The following C7orf78 variants were observed in gnomAD, a reference collection of about 807,000 sequenced individuals.
The protein encoded by C7orf78 is putative uncharacterized protein C7orf78.
chr7:12,511,904 A>G, the C7orf78 span, among the ~76,000 whole-genome samples: 3 of 111,446 alleles, frequency 2.7e-5, no homozygotes, highest in Non-Finnish European at 5.3e-5. Context: ...GGCGCCCACC[A>G]CCACACCTGG....
chr7:12,517,974 C>T, the C7orf78 span, among the ~76,000 whole-genome samples: 1 of 152,058 alleles, frequency 6.6e-6, no homozygotes, highest in African/African-American at 2.4e-5. Context: ...TTCTGTGTCC[C>T]TACATATCTA....
At chr7:12,487,880 C>T in the C7orf78 span, among the ~76,000 whole-genome samples, 1 of 151,978 alleles carries the variant, frequency 6.6e-6, no homozygotes, top group Non-Finnish European at 1.5e-5. Context: ...CAATAAGAAC[C>T]AAACAAGCAG....
At chr7:12,518,428 T>G in the C7orf78 span, among the ~76,000 whole-genome samples, 30 of 152,034 alleles carry the variant, frequency 2.0e-4, no homozygotes, top group Admixed American at 1.9e-3. Context: ...GCAGACAGCA[T>G]GGTGTGGGCC....
the C7orf78 span, among the ~76,000 whole-genome samples, chr7:12,534,080 A>T: frequency 2.0e-5 from 3 of 152,220 alleles, no homozygotes; most frequent in Non-Finnish European, 2.9e-5. Context: ...TTCAAATAAA[A>T]TGGCTTTATT....
At chr7:12,495,203 C>T in the C7orf78 span, among the ~76,000 whole-genome samples, 1 of 152,046 alleles carries the variant, frequency 6.6e-6, no homozygotes, top group Non-Finnish European at 1.5e-5. Flanking sequence ...CATTTTTTTT[C>T]CTCATCTTAC....
chr7:12,541,262 AAAC>A, the C7orf78 span: 1 of 152,234 alleles, frequency 6.6e-6, no homozygotes, highest in Non-Finnish European at 1.5e-5. Flanking sequence ...AATGTGAGAC[AAAC>A]AACAATAATG....
the C7orf78 span, among the ~76,000 whole-genome samples, chr7:12,502,957 A>G: frequency 2.2e-4 from 34 of 151,496 alleles, no homozygotes; most frequent in African/African-American, 7.5e-4. Context: ...ATTGGAAGTC[A>G]TCATTCTCAC....
chr7:12,503,812 TA>T, the C7orf78 span, among the ~76,000 whole-genome samples: 1 of 152,096 alleles, frequency 6.6e-6, no homozygotes, highest in Non-Finnish European at 1.5e-5. Context: ...ATTTTCCACA[TA>T]AATTATGTAG....
At chr7:12,525,849 A>G in the C7orf78 span, 26 of 397,122 alleles carry the variant, frequency 6.5e-5, no homozygotes, top group African/African-American at 4.7e-4. Context: ...ACTTTGAGAC[A>G]ACTTATGAAA....
the C7orf78 span, among the ~76,000 whole-genome samples, chr7:12,511,284 T>C: frequency 6.6e-6 from 1 of 152,226 alleles, no homozygotes; most frequent in Admixed American, 6.5e-5. Flanking sequence ...TTGATTACTC[T>C]AGATTTGTAA....
chr7:12,496,499 T>C, the C7orf78 span: 1 of 152,242 alleles, frequency 6.6e-6, no homozygotes, highest in African/African-American at 2.4e-5. Context: ...CAAGGGTTAG[T>C]AATGATCTCA....
the C7orf78 span, among the ~76,000 whole-genome samples, chr7:12,490,762 C>A: frequency 4.0e-5 from 6 of 151,684 alleles, no homozygotes; most frequent in Non-Finnish European, 7.4e-5. Flanking sequence ...AACATACTTG[C>A]AATCAGATTT....
chr7:12,517,557 A>G, the C7orf78 span, among the ~76,000 whole-genome samples: 1 of 152,172 alleles, frequency 6.6e-6, no homozygotes, highest in Non-Finnish European at 1.5e-5. Context: ...TATGTTATGA[A>G]TGCTTCATTC....
chr7:12,484,631 G>T, the C7orf78 span, among the ~76,000 whole-genome samples: 3 of 151,962 alleles, frequency 2.0e-5, no homozygotes, highest in East Asian at 5.8e-4. Context: ...CATATATTCT[G>T]CTATCAGTCA....
the C7orf78 span, among the ~76,000 whole-genome samples, chr7:12,524,895 C>A: frequency 6.6e-6 from 1 of 151,900 alleles, no homozygotes; most frequent in Non-Finnish European, 1.5e-5. Context: ...ATAAAATTCA[C>A]GGAATAAGGA....
chr7:12,536,760 C>A, the C7orf78 span, among the ~76,000 whole-genome samples: 3 of 152,212 alleles, frequency 2.0e-5, no homozygotes, highest in East Asian at 5.8e-4. Flanking sequence ...CTGCCAGATA[C>A]CCTAAATTAT....
At chr7:12,490,898 G>C in the C7orf78 span, among the ~76,000 whole-genome samples, 24 of 151,912 alleles carry the variant, frequency 1.6e-4, no homozygotes, top group African/African-American at 5.6e-4. Context: ...AGTTTCATCT[G>C]AAGAGCACCA....
At chr7:12,524,398 G>A in the C7orf78 span, among the ~76,000 whole-genome samples, 3 of 141,918 alleles carry the variant, frequency 2.1e-5, no homozygotes, top group Non-Finnish European at 3.1e-5. Flanking sequence ...CTTATTCAGG[G>A]CATCTAAATA....
At chr7:12,520,590 A>G in the C7orf78 span, among the ~76,000 whole-genome samples, 1 of 152,192 alleles carries the variant, frequency 6.6e-6, no homozygotes, top group Non-Finnish European at 1.5e-5. Context: ...CAGAAAAGAT[A>G]CTTTCTATGT....
Sources: gnomAD v4.1 joint callset for allele counts (sites outside exome capture counted in the v4.1 genomes callset) on GRCh38, gnomAD v4.1.1 for gene constraint, MANE v1.5 for transcripts, NCBI Gene and HGNC (gene_info 2026-07-23, HGNC 2026-07-21) for gene names.